KCNQ1: variants seen among roughly 807,000 people sequenced by gnomAD.
KCNQ1 encodes the protein potassium voltage-gated channel subfamily KQT member 1.
In KCNQ1, 49 loss-of-function variants were observed where a neutral mutation model predicts 72.4. The observed-to-expected ratio is 0.68, with a 90% CI of 0.54 to 0.86. KCNQ1 has a LOEUF of 0.86. Among genes scored for constraint, KCNQ1 ranks in the 40% least tolerant of loss-of-function variants. The pLI, the probability that KCNQ1 is intolerant of heterozygous loss-of-function variation, is 0.00. For synonymous variants in KCNQ1, 450 were observed against 412.6 expected (o/e 1.09, Z -1.10); for missense variants, 790 against 945.1 (o/e 0.84, Z 2.15).
rs1846534719 is a variant in KCNQ1 at position 2,768,456 on chromosome 11, G to A, written c.1515-388G>A. ...AAGGGGCTGTGGGCATCGCCAGCATGTACCCTCTTATCCCATTTGCTGACA... is the reference window on the plus strand; with the variant it reads ...AAGGGGCTGTGGGCATCGCCAGCATATACCCTCTTATCCCATTTGCTGACA... On this transcript the variant is annotated intron_variant, in intron 11 of 15. Coordinates refer to ENST00000155840, the MANE Select transcript of KCNQ1 (RefSeq NM_000218.3). The surrounding 1 kb of genome is among the most constrained non-coding windows in gnomAD (Gnocchi z 6.7). 3.9e-5 allele frequency among the ~76,000 whole-genome samples: 6 copies of A among 152,100 alleles called. No individual in the cohort carries two copies. The highest frequency in any genetic ancestry group is 3.9e-4 in the Admixed American group (6 of 15,276).
In KCNQ1 at chr11:2,629,792, G is replaced by C. The variant is rs1229225257; in HGVS notation, c.1394-32169G>C. On this transcript the variant is annotated intron_variant, in intron 10 of 15. Coordinates refer to ENST00000155840, the MANE Select transcript of KCNQ1 (RefSeq NM_000218.3). ...TGATTTTGTATCCTGCCACTTTACT[G>C]AGTTAGATTATTACTTCTAACAGGT... 1.5e-5 allele frequency: 6 copies of C among 398,290 alleles called. No individual in the cohort carries two copies. In the East Asian group the frequency reaches 1.8e-4, roughly 12 times the overall value. 24.7% of individuals were successfully genotyped at this position (398,290 alleles called of 1,614,324 possible).
At chr11:2,512,954 T>C (rs902883971) in intron 1 of KCNQ1, among the ~76,000 whole-genome samples, 1 of 152,164 alleles carries the variant, frequency 6.6e-6, no homozygotes, top group Non-Finnish European at 1.5e-5. Flanking sequence ...GAGCTCTGGC[T>C]CTGGGAAGGC....
chr11:2,704,691 G>A lies in KCNQ1; in HGVS notation c.1514+42610G>A, dbSNP rs1850878199. Reference sequence around the variant, plus strand: ...GTCACCCAGTGAGAGAGATGGGAGGGTTGGAGAAAGCGAGCATCTGTGGAG... The same window carrying A: ...GTCACCCAGTGAGAGAGATGGGAGGATTGGAGAAAGCGAGCATCTGTGGAG... On this transcript the variant is annotated intron_variant, in intron 11 of 15. Transcript: ENST00000155840. The surrounding 1 kb of genome is among the most constrained non-coding windows in gnomAD (Gnocchi z 4.3). 6.6e-6 allele frequency among the ~76,000 whole-genome samples: 1 copy of A among 152,206 alleles called. No homozygotes were observed. Among genetic ancestry groups the A allele is most frequent in the Admixed American group, 6.5e-5 (1 of 15,290 alleles).
chr11:2,615,128 T>G, intron 10 of KCNQ1: 1 of 398,330 alleles, frequency 2.5e-6, no homozygotes, highest in Non-Finnish European at 4.4e-6. Flanking sequence ...TTTAATTTAT[T>G]CCTAGCTATT....
chr11:2,470,601 G>A (rs1846432181), intron 1 of KCNQ1, among the ~76,000 whole-genome samples: 1 of 151,700 alleles, frequency 6.6e-6, no homozygotes, highest in South Asian at 2.1e-4. Context: ...AAGGGAGGGG[G>A]TGTGATGATA....
At position 2,647,235 on chromosome 11, in the gene KCNQ1, G is replaced by A; in HGVS notation, c.1394-14726G>A. On this transcript the variant is annotated intron_variant, in intron 10 of 15. Transcript: ENST00000155840. The surrounding 1 kb of genome is among the most constrained non-coding windows in gnomAD (Gnocchi z 4.0). ...TTTCTGCATCTATTGAGATGATCAT[G>A]TATTTTTTTGTCCTTCCTTCTGTTA... is the stretch of plus-strand genomic sequence containing the variant. The A allele has an allele frequency of 5.0e-6, 2 of 398,396 alleles. No homozygotes were observed. The highest frequency in any genetic ancestry group is 2.6e-4 in the South Asian group (2 of 7,792). 24.7% of individuals were successfully genotyped at this position (398,396 alleles called of 1,614,324 possible). A position where few individuals can be genotyped will look rare whatever the true frequency, so the allele number is the denominator to read the frequency against.
At position 2,713,875 on chromosome 11, in the gene KCNQ1, C is replaced by G. The variant is rs962964223; in HGVS notation, c.1514+51794C>G. On this transcript the variant is annotated intron_variant, in intron 11 of 15. Transcript: ENST00000155840. This position sits in a 1 kb window ranked among gnomAD's most constrained non-coding sequence, Gnocchi z 5.6. ...GCTTCCAGATGGGCAAACGCGCGCT[C>G]GGAGCCTGGCCCTGCAGACACGATG... Among the ~76,000 whole-genome samples, 1 of 152,226 alleles carries G rather than the reference C, an allele frequency of 6.6e-6. No individual in the cohort carries two copies. Among genetic ancestry groups the G allele is most frequent in the African/African-American group, 2.4e-5 (1 of 41,470 alleles).
At chr11:2,810,830 G>A (rs1430421918) in intron 15 of KCNQ1, among the ~76,000 whole-genome samples, 1 of 152,254 alleles carries the variant, frequency 6.6e-6, no homozygotes, top group Non-Finnish European at 1.5e-5. Context: ...AGAGCTCTGA[G>A]GCTGCTGCAT....
intron 11 of KCNQ1, chr11:2,667,077 T>C (rs1850087600): frequency 5.0e-6 from 2 of 398,532 alleles, no homozygotes; most frequent in Non-Finnish European, 4.4e-6. Context: ...CACGGGGGGA[T>C]TAAATGTTCT....
intron 10 of KCNQ1, chr11:2,622,290 A>G: frequency 2.5e-6 from 1 of 398,304 alleles, no homozygotes; most frequent in Non-Finnish European, 4.4e-6. Flanking sequence ...CCATTTTCTC[A>G]GTATGTAATG....
At chr11:2,777,601 G>A (rs1846731961) in intron 14 of KCNQ1, 3 of 428,912 alleles carry the variant, frequency 7.0e-6, no homozygotes, top group African/African-American at 8.5e-5. Flanking sequence ...CATAGTGTGG[G>A]CTGGTGTAAC....
At chr11:2,798,021 G>A (rs1416782454) in intron 15 of KCNQ1, among the ~76,000 whole-genome samples, 1 of 152,168 alleles carries the variant, frequency 6.6e-6, no homozygotes, top group Non-Finnish European at 1.5e-5. Flanking sequence ...CCCTCACAGG[G>A]GACCCAATTG....
chr11:2,798,479 G>A (rs567548787), intron 15 of KCNQ1, among the ~76,000 whole-genome samples: 1 of 152,068 alleles, frequency 6.6e-6, no homozygotes, highest in Non-Finnish European at 1.5e-5. Flanking sequence ...CTGTAGAGGG[G>A]TTTGCGGCAG....
rs1422168610 is a variant in KCNQ1, at chr11:2,608,590, C to G, written c.1393+19736C>G. On this transcript the variant is annotated intron_variant, in intron 10 of 15. Transcript: ENST00000155840. This position sits in a 1 kb window ranked among gnomAD's most constrained non-coding sequence, Gnocchi z 4.6. Reference sequence around the variant, plus strand: ...TCCTAGTCTCAAGTGATCCTTGCCCCTTAGCCTATGACAGGTGTGCACCAC... The same window carrying G: ...TCCTAGTCTCAAGTGATCCTTGCCCGTTAGCCTATGACAGGTGTGCACCAC... 6.3e-5 allele frequency: 25 copies of G among 398,458 alleles called. No individual in the cohort carries two copies. Among genetic ancestry groups the G allele is most frequent in the Non-Finnish European group, 1.1e-4 (24 of 226,086 alleles). 24.7% of individuals were successfully genotyped at this position (398,458 alleles called of 1,614,324 possible). A position where few individuals can be genotyped will look rare whatever the true frequency, so the allele number is the denominator to read the frequency against.
At position 2,659,282 on chromosome 11, in the gene KCNQ1, G is replaced by A; in HGVS notation, c.1394-2679G>A. ...GTCAAGTACTTCTCCCCTAACCACT[G>A]GCAGCTATTGATCTGTTTTATGTCC... On this transcript the variant is annotated intron_variant, in intron 10 of 15. Coordinates refer to ENST00000155840, the MANE Select transcript of KCNQ1 (RefSeq NM_000218.3). This position sits in a 1 kb window ranked among gnomAD's most constrained non-coding sequence, Gnocchi z 4.3. 2 of 398,552 alleles carry A rather than the reference G, an allele frequency of 5.0e-6. No individual in the cohort carries two copies. Among genetic ancestry groups the A allele is most frequent in the Non-Finnish European group, 8.8e-6 (2 of 226,050 alleles). The allele number at this position is 398,552 out of a possible 1,614,324, so 24.7% of individuals were successfully genotyped here. A position where few individuals can be genotyped will look rare whatever the true frequency, so the allele number is the denominator to read the frequency against.
intron 2 of KCNQ1, among the ~76,000 whole-genome samples, chr11:2,528,975 C>T (rs1469232778): frequency 2.0e-5 from 3 of 152,202 alleles, no homozygotes; most frequent in Non-Finnish European, 2.9e-5. Flanking sequence ...GAAGAACTCA[C>T]CTGTGGTTTC....
chr11:2,647,124 C>A lies in KCNQ1; in HGVS notation c.1394-14837C>A, dbSNP rs1849678203. 5.0e-6 allele frequency: 2 copies of A among 398,366 alleles called. No individual in the cohort carries two copies. The highest frequency in any genetic ancestry group is 8.8e-6 in the Non-Finnish European group (2 of 226,024). The allele number at this position is 398,366 out of a possible 1,614,324, so 24.7% of individuals were successfully genotyped here. ...GTGGCTGTGGGTTTGTCATATATGA[C>A]CTTCATTGAGTTATGTTCCTTCTAG... On this transcript the variant is annotated intron_variant, in intron 10 of 15. Transcript: ENST00000155840. The surrounding 1 kb of genome is among the most constrained non-coding windows in gnomAD (Gnocchi z 4.0).
chr11:2,516,132 G>T lies in KCNQ1; in HGVS notation c.387-11796G>T, dbSNP rs1445291819. Among the ~76,000 whole-genome samples the T allele has an allele frequency of 6.6e-6, 1 of 152,104 alleles. No homozygotes were observed. The highest frequency in any genetic ancestry group is 1.5e-5 in the Non-Finnish European group (1 of 68,036). On this transcript the variant is annotated intron_variant, in intron 1 of 15. Coordinates refer to ENST00000155840, the MANE Select transcript of KCNQ1 (RefSeq NM_000218.3). This position sits in a 1 kb window ranked among gnomAD's most constrained non-coding sequence, Gnocchi z 7.0. Reference sequence around the variant, plus strand: ...TTACTTCTGGGTTGTAGTTTTCGGGGTGCTTCGAGGTGCTGTGGGGACCTG... The same window carrying T: ...TTACTTCTGGGTTGTAGTTTTCGGGTTGCTTCGAGGTGCTGTGGGGACCTG...
At chr11:2,733,774 CCACACACACACACACACACACA>C (rs144399150) in intron 11 of KCNQ1, among the ~76,000 whole-genome samples, 3,923 of 57,446 alleles carry the variant, frequency 0.068, 294 homozygotes, top group African/African-American at 0.21. Flanking sequence ...TTCAGGCCTT[CCACACACACACACACACACACA>C]CACACACACA....
Sources: gnomAD v4.1 joint callset for allele counts (sites outside exome capture counted in the v4.1 genomes callset) on GRCh38, gnomAD v4.1.1 for gene constraint, Gnocchi (gnomAD v3.1) non-coding constraint, MANE v1.5 for transcripts, NCBI Gene and HGNC (gene_info 2026-07-23, HGNC 2026-07-21) for gene names.